Variants in ITGA6 observed in about 807,000 individuals in gnomAD.
The protein encoded by ITGA6 is integrin alpha-6.
A neutral mutation model predicts 133.6 loss-of-function variants in ITGA6; 63 were observed. The ratio of observed to expected loss-of-function variants is 0.47; its 90% CI spans 0.38 to 0.58. The LOEUF is 0.58. Among genes scored for constraint, ITGA6 ranks in the 20% least tolerant of loss-of-function variants. ITGA6 has a pLI of 0.00. For missense variants in ITGA6, 1,068 were observed against 1,309.4 expected (o/e 0.82, Z 2.85); for synonymous variants, 434 against 482.0 (o/e 0.90, Z 1.30).
chr2:172,428,494 C>T (rs1234171786), intron 1 of ITGA6: 1 of 144,970 alleles, frequency 6.9e-6, no homozygotes, highest in Non-Finnish European at 1.5e-5. Context: ...TCCTGCATGA[C>T]TTTCTCAGCA....
intron 24 of ITGA6, among the ~76,000 whole-genome samples, chr2:172,500,771 G>C (rs1233069224): frequency 6.6e-6 from 1 of 152,230 alleles, no homozygotes; most frequent in Admixed American, 6.5e-5. Flanking sequence ...ATGTTCTGGA[G>C]CTGCAGCATC....
intron 5 of ITGA6, 78 bp downstream of exon 5, chr2:172,471,183 C>T: frequency 6.4e-7 from 1 of 1,552,220 alleles, no homozygotes; most frequent in Non-Finnish European, 8.9e-7. Flanking sequence ...GGGCCTATGG[C>T]CCCTGGACTT....
intron 24 of ITGA6, among the ~76,000 whole-genome samples, chr2:172,499,997 T>C (rs187746713): frequency 6.6e-6 from 1 of 152,316 alleles, no homozygotes; most frequent in East Asian, 1.9e-4. Context: ...ATACGACTTA[T>C]ACAACCCCAC....
chr2:172,456,497 T>C (rs1453507348), intron 1 of ITGA6, among the ~76,000 whole-genome samples: 3 of 151,712 alleles, frequency 2.0e-5, no homozygotes, highest in African/African-American at 7.3e-5. Flanking sequence ...TGAAAGGGAG[T>C]GGAGTGAATG....
rs1559149872 is a variant in ITGA6 at position 172,487,808 on chromosome 2, G to A, written c.2324+1G>A. ...TGGATATTAATCTGAAGTTAGAAAC[G>A]TAAGAGTTACATCAACCTCTCCATT... On this transcript the variant is annotated splice_donor_variant, in intron 17 of 25. Transcript: ENST00000684293. LOFTEE classifies it high-confidence loss of function. 2.5e-6 allele frequency: 4 copies of A among 1,598,430 alleles called. No homozygotes were observed. Among genetic ancestry groups the A allele is most frequent in the South Asian group, 1.1e-5 (1 of 90,732 alleles).
At chr2:172,488,101 A>T (rs1385235657) in intron 18 of ITGA6, 25 bp from the exon 19 acceptor site, 3 of 1,610,804 alleles carry the variant, frequency 1.9e-6, no homozygotes, top group Non-Finnish European at 2.5e-6. Flanking sequence ...ATCCTCATTA[A>T]AACTGGTGTT....
chr2:172,474,535 G>A (rs956594472), intron 6 of ITGA6, among the ~76,000 whole-genome samples: 5 of 152,136 alleles, frequency 3.3e-5, no homozygotes, highest in African/African-American at 1.2e-4. Flanking sequence ...GAAAAAAATT[G>A]ACTCAGAAAA....
intron 19 of ITGA6, 113 bp from the exon 20 acceptor site, chr2:172,489,372 T>G (rs1686824955): frequency 1.2e-6 from 1 of 827,400 alleles, no homozygotes; most frequent in African/African-American, 1.8e-5. Context: ...GCCTGTGCTT[T>G]TATTATAGGA....
At chr2:172,501,745 T>C (rs373520828) in intron 24 of ITGA6, 27 bp from the exon 25 acceptor site, 21 of 1,608,834 alleles carry the variant, frequency 1.3e-5, no homozygotes, top group African/African-American at 9.3e-5. Flanking sequence ...AACTGTAAAA[T>C]TGACTAAATA....
intron 1 of ITGA6, among the ~76,000 whole-genome samples, chr2:172,464,804 T>C (rs1685578390): frequency 6.6e-6 from 1 of 152,142 alleles, no homozygotes; most frequent in African/African-American, 2.4e-5. Context: ...GGGAGACTGA[T>C]AGGATGAGAG....
chr2:172,438,293 G>A (rs1199374488), intron 1 of ITGA6, among the ~76,000 whole-genome samples: 1 of 151,756 alleles, frequency 6.6e-6, no homozygotes, highest in Non-Finnish European at 1.5e-5. Flanking sequence ...GTGGCCTGAT[G>A]ACTGGAGCAA....
rs1359410632 is a variant in ITGA6 at position 172,476,407 on chromosome 2, A to G, written c.1282A>G (p.Ile428Val). 3 of 1,589,730 alleles carry G rather than the reference A, an allele frequency of 1.9e-6. No individual in the cohort carries two copies. The highest frequency in any genetic ancestry group is 2.7e-5 in the African/African-American group (2 of 74,502). The stretch of plus-strand genomic sequence containing the variant: ...CTGTGTATTTCAGGTTCTCAAGGGT[A>G]TATCACCTTATTTTGGATATTCAAT... ...NTKPTQVLKG[I>V]SPYFGYSIAG... Residue 428 changes from isoleucine to valine, a missense_variant, in exon 9 of 26, where the codon ATA becomes GTA. By Grantham distance (29) the Ile-to-Val change is conservative. This residue lies in a region of ITGA6 where 317 missense variants were observed against 456.9 expected (regional missense o/e 0.69). Transcript: ENST00000684293.
chr2:172,468,314 C>T (rs1685771178), intron 3 of ITGA6, among the ~76,000 whole-genome samples: 1 of 152,168 alleles, frequency 6.6e-6, no homozygotes. Context: ...GCTAGATGGT[C>T]ATGGTAAGGC....
Position 172,427,610 on chromosome 2 carries a change from G to A in ITGA6, c.-179G>A, listed in dbSNP as rs1683897280. ...CAACGGGCTCATTCAGCGGTCGCGA[G>A]CTGCCCGCGAGGGGGAGCGGCCGGA... On this transcript the variant is annotated 5_prime_UTR_variant, in exon 1 of 26. Coordinates refer to ENST00000684293, the MANE Select transcript of ITGA6 (RefSeq NM_000210.4). 2.3e-6 allele frequency: 3 copies of A among 1,277,290 alleles called. No homozygotes were observed. The highest frequency in any genetic ancestry group is 6.7e-5 in the East Asian group (2 of 29,782). The allele number at this position is 1,277,290 out of a possible 1,614,324, so 79.1% of individuals were successfully genotyped here.
intron 1 of ITGA6, among the ~76,000 whole-genome samples, chr2:172,444,951 G>A (rs183748172): frequency 2.1e-5 from 3 of 145,368 alleles, no homozygotes; most frequent in African/African-American, 7.5e-5. Context: ...CATATAACTT[G>A]ATTTCTGTAG....
At chr2:172,454,096 T>G (rs1177687494) in intron 1 of ITGA6, among the ~76,000 whole-genome samples, 19 of 149,056 alleles carry the variant, frequency 1.3e-4, no homozygotes, top group South Asian at 8.3e-4. Context: ...GTTTTGTTTT[T>G]TTTTTTTGAG....
Position 172,427,773 on chromosome 2 carries a change from C to T in ITGA6, c.-16C>T, listed in dbSNP as rs746745920. 5 of 1,577,942 alleles carry T rather than the reference C, an allele frequency of 3.2e-6. No individual in the cohort carries two copies. Among genetic ancestry groups the T allele is most frequent in the Non-Finnish European group, 4.3e-6 (5 of 1,163,994 alleles). On this transcript the variant is annotated 5_prime_UTR_variant, in exon 1 of 26. Coordinates refer to ENST00000684293, the MANE Select transcript of ITGA6 (RefSeq NM_000210.4). ...GGCCGCTGCAGGTCCCCGCTCCCCT[C>T]CCCGTGCGTCCGCCCATGGCCGCCG...
intron 1 of ITGA6, among the ~76,000 whole-genome samples, chr2:172,455,263 G>A (rs545195497): frequency 1.3e-5 from 2 of 152,328 alleles, no homozygotes; most frequent in East Asian, 1.9e-4. Flanking sequence ...TGGCAGTGAC[G>A]ACCTCTGGTG....
In ITGA6 at chr2:172,487,585, G is replaced by A. The variant is rs764286678; in HGVS notation, c.2199G>A (p.Ser733=). The A allele has an allele frequency of 1.8e-5, 29 of 1,613,952 alleles. No homozygotes were observed. The highest frequency in any genetic ancestry group is 4.4e-5 in the South Asian group (4 of 91,082). ...GTTGTGTTGCCAACCAGAATGGCTC[G>A]CAAGCTGACTGTGAGCTCGGAAATC... ...QLSCVANQNG[S]QADCELGNPF... is the part of the protein sequence containing the mutation. The change falls in exon 16 of 26, where the codon TCG becomes TCA. Residue 733 remains serine (S), a synonymous_variant. Transcript: ENST00000684293.
Sources: gnomAD v4.1 joint callset for allele counts (sites outside exome capture counted in the v4.1 genomes callset) on GRCh38, gnomAD v4.1.1 for gene constraint, gnomAD v4.1.1 regional missense constraint, MANE v1.5 for transcripts, NCBI Gene and HGNC (gene_info 2026-07-23, HGNC 2026-07-21) for gene names.